Variants in ARSG observed in about 807,000 individuals in gnomAD.
ARSG encodes the protein arylsulfatase G.
In ARSG, 37 loss-of-function variants were observed where a neutral mutation model predicts 50.5. The observed-to-expected ratio is 0.73, with a 90% CI of 0.56 to 0.96. ARSG has a LOEUF of 0.96. ARSG is among the 50% of genes least tolerant of loss of function. ARSG has a pLI of 0.00. For missense variants in ARSG, 629 were observed against 675.3 expected (o/e 0.93, Z 0.76); for synonymous variants, 225 against 254.6 (o/e 0.88, Z 1.11).
At chr17:68,434,062 G>A in the ARSG span, among the ~76,000 whole-genome samples, 5 of 152,000 alleles carry the variant, frequency 3.3e-5, no homozygotes, top group East Asian at 1.9e-4. Context: ...GAGCCACCGC[G>A]CCCGGCCCAT....
At chr17:68,429,941 A>G in the ARSG span, 8 of 1,607,388 alleles carry the variant, frequency 5.0e-6, no homozygotes, top group Admixed American at 6.9e-5. Context: ...TGTGCTTTGG[A>G]AAAATACATT....
At chr17:68,342,167 G>A (rs922359735) in intron 2 of ARSG, among the ~76,000 whole-genome samples, 3 of 151,994 alleles carry the variant, frequency 2.0e-5, no homozygotes, top group Non-Finnish European at 4.4e-5. Flanking sequence ...TCAAGCCACC[G>A]TGAGTACTGA....
intron 9 of ARSG, among the ~76,000 whole-genome samples, chr17:68,390,833 G>T (rs149815996): frequency 2.9e-4 from 44 of 151,920 alleles, no homozygotes; most frequent in African/African-American, 1.0e-3. Flanking sequence ...CACCATGTTG[G>T]CCGGGCTGGT....
intron 2 of ARSG, among the ~76,000 whole-genome samples, chr17:68,324,938 C>G (rs2077443645): frequency 1.3e-5 from 2 of 152,120 alleles, no homozygotes; most frequent in Admixed American, 1.3e-4. Context: ...TCATGTTTCC[C>G]AAATCCTCTT....
chr17:68,425,272 G>C (rs7214022), downstream of ARSG, among the ~76,000 whole-genome samples: 1 of 152,172 alleles, frequency 6.6e-6, no homozygotes, highest in African/African-American at 2.4e-5. Flanking sequence ...GGCACAATCA[G>C]AGCTCACTGC....
chr17:68,310,576 G>A (rs1400452467), intron 2 of ARSG, among the ~76,000 whole-genome samples: 15 of 152,280 alleles, frequency 9.9e-5, no homozygotes, highest in African/African-American at 3.6e-4. Flanking sequence ...TTTTCTTCTT[G>A]GGCTAACATT....
At chr17:68,291,075 A>G (rs1319364210), upstream of ARSG, 2 of 152,308 alleles carry the variant, frequency 1.3e-5, no homozygotes, top group African/African-American at 4.8e-5. Flanking sequence ...TAAAATAATA[A>G]ACCAACTCAC....
At chr17:68,431,706 C>T in the ARSG span, among the ~76,000 whole-genome samples, 2 of 8,560 alleles carry the variant, frequency 2.3e-4, no homozygotes, top group African/African-American at 1.4e-3. Context: ...CCCTGGCCAG[C>T]GAAGCAGGGC....
chr17:68,356,282 G>C (rs1402884502), intron 5 of ARSG, among the ~76,000 whole-genome samples: 1 of 152,194 alleles, frequency 6.6e-6, no homozygotes, highest in East Asian at 1.9e-4. Flanking sequence ...CAGAGGCTGG[G>C]ATTGAAGTGA....
In ARSG at chr17:68,379,132, G is replaced by A. The variant is rs1461548127; in HGVS notation, c.983-5932G>A. 2.0e-5 allele frequency among the ~76,000 whole-genome samples: 3 copies of A among 152,328 alleles called. No homozygotes were observed. The East Asian group carries it at 5.8e-4, about 29-fold the overall frequency. ...ACTCAGGGCCACCCCAGGCCAGCCG[G>A]AGTCCTGGGTCTGAATAGAGGCCAG... On this transcript the variant is annotated intron_variant, in intron 8 of 11. Coordinates refer to ENST00000621439, the MANE Select transcript of ARSG (RefSeq NM_001267727.2).
intron 1 of ARSG, among the ~76,000 whole-genome samples, chr17:68,299,619 G>A (rs1021002848): frequency 6.6e-6 from 1 of 152,102 alleles, no homozygotes; most frequent in Non-Finnish European, 1.5e-5. Flanking sequence ...ATGTTACAGG[G>A]CAAACACCGT....
At chr17:68,322,136 T>C (rs1345118592) in intron 2 of ARSG, among the ~76,000 whole-genome samples, 3 of 152,200 alleles carry the variant, frequency 2.0e-5, no homozygotes, top group African/African-American at 4.8e-5. Context: ...GCTTAAGTGA[T>C]TACATGAAGA....
the ARSG span, among the ~76,000 whole-genome samples, chr17:68,431,334 G>T: frequency 1.3e-5 from 2 of 152,084 alleles, no homozygotes; most frequent in African/African-American, 4.8e-5. Context: ...TCCCTGACAG[G>T]GTTGCTGGGA....
chr17:68,347,462 G>A (rs1010221988), intron 4 of ARSG, among the ~76,000 whole-genome samples: 9 of 152,070 alleles, frequency 5.9e-5, no homozygotes, highest in African/African-American at 1.9e-4. Flanking sequence ...TACACCTCAG[G>A]GAACATTCTG....
At chr17:68,382,743 A>T (rs376915516) in intron 8 of ARSG, among the ~76,000 whole-genome samples, 2 of 152,360 alleles carry the variant, frequency 1.3e-5, no homozygotes, top group South Asian at 2.1e-4. Context: ...GCTGTTGGTG[A>T]CACATAAATA....
intron 2 of ARSG, among the ~76,000 whole-genome samples, chr17:68,342,456 C>T (rs146366839): frequency 0.011 from 1,616 of 150,704 alleles, 22 homozygotes; most frequent in East Asian, 0.049. Context: ...TGGGTTGAAG[C>T]GATTCTCCTG....
At chr17:68,267,825 A>G (rs1555746880) in intron 1 of ARSG, 1 of 152,212 alleles carries the variant, frequency 6.6e-6, no homozygotes, top group Non-Finnish European at 1.5e-5. Flanking sequence ...TAGACCAATC[A>G]AGTCATGTGT....
chr17:68,436,765 G>A, the ARSG span, among the ~76,000 whole-genome samples: 1 of 152,150 alleles, frequency 6.6e-6, no homozygotes, highest in African/African-American at 2.4e-5. Flanking sequence ...AGCACTTTGA[G>A]GCGGGCGGAT....
At chr17:68,444,351 A>G in the ARSG span, 1 of 728,088 alleles carries the variant, frequency 1.4e-6, no homozygotes, top group African/African-American at 1.8e-5. Context: ...GCCGCCATTA[A>G]GACAAAGCTT....
Sources: gnomAD v4.1 joint callset for allele counts (sites outside exome capture counted in the v4.1 genomes callset) on GRCh38, gnomAD v4.1.1 for gene constraint, MANE v1.5 for transcripts, NCBI Gene and HGNC (gene_info 2026-07-23, HGNC 2026-07-21) for gene names.